Variants in ZC4H2 observed in about 807,000 individuals in gnomAD.
ZC4H2 encodes the protein zinc finger C4H2-type containing, also known as zinc finger C4H2 domain-containing protein.
For synonymous variants in ZC4H2, 84 were observed against 66.3 expected (o/e 1.27, Z -1.30); for missense variants, 137 against 173.9 (o/e 0.79, Z 1.19).
intron 1 of ZC4H2, among the ~76,000 whole-genome samples, chrX:65,022,455 G>A (rs530342733): frequency 1.8e-5 from 2 of 111,660 alleles, no homozygotes; most frequent in Non-Finnish European, 3.8e-5. Context: ...TGCAGAAAAG[G>A]TCTTTGACAA....
intron 1 of ZC4H2, among the ~76,000 whole-genome samples, chrX:64,950,257 T>C (rs920262271): frequency 1.8e-5 from 2 of 111,912 alleles, no homozygotes; most frequent in South Asian, 3.7e-4. Context: ...GTAGGACTGC[T>C]TTACTTCCAA....
intron 1 of ZC4H2, among the ~76,000 whole-genome samples, chrX:64,931,502 T>C (rs770292629): frequency 9.0e-6 from 1 of 111,666 alleles, no homozygotes; most frequent in Non-Finnish European, 1.9e-5. Context: ...CATGAACTTT[T>C]GTCTTAGCAC....
At chrX:64,922,634 C>T (rs886570935) in intron 1 of ZC4H2, among the ~76,000 whole-genome samples, 2 of 112,079 alleles carry the variant, frequency 1.8e-5, no homozygotes, top group Admixed American at 1.9e-4. Context: ...CCAGGAAAGT[C>T]CTGAACACAA....
intron 1 of ZC4H2, among the ~76,000 whole-genome samples, chrX:65,025,275 A>C (rs1932869673): frequency 9.2e-6 from 1 of 108,130 alleles, no homozygotes; most frequent in Non-Finnish European, 1.9e-5. Flanking sequence ...CAGCCTCCCA[A>C]GTAGCTGGGA....
intron 1 of ZC4H2, among the ~76,000 whole-genome samples, chrX:65,013,217 C>T (rs1932774974): frequency 8.9e-6 from 1 of 111,932 alleles, no homozygotes; most frequent in Non-Finnish European, 1.9e-5. Context: ...CAACCCAGGG[C>T]AATCAGGAAA....
chrX:65,028,616 C>T (rs1396769804), intron 1 of ZC4H2, among the ~76,000 whole-genome samples: 2 of 109,975 alleles, frequency 1.8e-5, no homozygotes, highest in African/African-American at 6.7e-5. Context: ...ACTGCAACCT[C>T]TGCCTCCTGG....
At chrX:65,005,422 T>C (rs1460752200) in intron 1 of ZC4H2, among the ~76,000 whole-genome samples, 1 of 111,083 alleles carries the variant, frequency 9.0e-6, no homozygotes, top group African/African-American at 3.3e-5. Context: ...TCAGAAATAA[T>C]GCCACACATC....
chrX:64,927,567 T>C (rs764445782), intron 1 of ZC4H2, among the ~76,000 whole-genome samples: 47 of 112,292 alleles, frequency 4.2e-4, no homozygotes, highest in African/African-American at 1.4e-3. Context: ...GTCTTTGCTA[T>C]TGTGAACTGT....
chrX:64,938,709 C>A (rs1225038863), intron 1 of ZC4H2, among the ~76,000 whole-genome samples: 1 of 111,891 alleles, frequency 8.9e-6, no homozygotes, highest in Non-Finnish European at 1.9e-5. Context: ...TCACTAGATG[C>A]AGAAAAGGCC....
intron 1 of ZC4H2, among the ~76,000 whole-genome samples, chrX:65,006,901 C>T (rs1019086512): frequency 2.7e-5 from 3 of 111,861 alleles, no homozygotes; most frequent in African/African-American, 9.7e-5. Context: ...AACAATTTTC[C>T]AGTTACATGA....
At chrX:64,934,308 T>G (rs1029085182) in intron 1 of ZC4H2, among the ~76,000 whole-genome samples, 1 of 112,407 alleles carries the variant, frequency 8.9e-6, no homozygotes, top group African/African-American at 3.2e-5. Flanking sequence ...AAGATTCAAT[T>G]TTTGGAAACT....
chrX:64,934,150 C>T (rs958399022), intron 1 of ZC4H2, among the ~76,000 whole-genome samples: 1 of 111,978 alleles, frequency 8.9e-6, no homozygotes, highest in East Asian at 2.8e-4. Flanking sequence ...TTCTTTTGTC[C>T]CACAGGGTGT....
chrX:64,999,065 T>TTTTTTTTTTTTTTTC (rs1461250071), intron 1 of ZC4H2, among the ~76,000 whole-genome samples: 1 of 97,590 alleles, frequency 1.0e-5, no homozygotes, highest in Admixed American at 1.1e-4. Context: ...TTTTTTTTTT[T>TTTTTTTTTTTTTTTC]TTTAATCTAT....
In ZC4H2 at chrX:64,916,531, G is replaced by C. The variant is rs1256615792; in HGVS notation, c.*1252C>G. 1.8e-5 allele frequency: 2 copies of C among 112,060 alleles called. No individual in the cohort carries two copies. The highest frequency in any genetic ancestry group is 3.8e-5 in the Non-Finnish European group (2 of 53,213). 9.2% of individuals were successfully genotyped at this position (112,060 alleles called of 1,213,427 possible). ...TTTATATAGTGAACACATACACACTGTGGCAATGTAAAACTACTTAAGGAA... is the reference window on the plus strand; with the variant it reads ...TTTATATAGTGAACACATACACACTCTGGCAATGTAAAACTACTTAAGGAA... On this transcript the variant is annotated 3_prime_UTR_variant, in exon 5 of 5. Transcript: ENST00000374839.
intron 1 of ZC4H2, among the ~76,000 whole-genome samples, chrX:64,954,800 A>G (rs1931088832): frequency 9.0e-6 from 1 of 111,251 alleles, no homozygotes; most frequent in Non-Finnish European, 1.9e-5. Context: ...TGGAATAACA[A>G]GAAAATACTC....
chrX:65,012,749 AG>A (rs1932767780), intron 1 of ZC4H2, among the ~76,000 whole-genome samples: 2 of 111,390 alleles, frequency 1.8e-5, no homozygotes, highest in Admixed American at 1.9e-4. Flanking sequence ...GTATAGATGC[AG>A]GGGGTTATCA....
chrX:65,018,959 C>T (rs1333884267), intron 1 of ZC4H2, among the ~76,000 whole-genome samples: 1 of 111,681 alleles, frequency 9.0e-6, no homozygotes, highest in African/African-American at 3.3e-5. Context: ...CTCAGCAAGG[C>T]CACTGCGGCC....
At chrX:65,030,953 C>A (rs1477940015) in intron 1 of ZC4H2, among the ~76,000 whole-genome samples, 1 of 111,380 alleles carries the variant, frequency 9.0e-6, no homozygotes, top group East Asian at 2.8e-4. Flanking sequence ...CTCCACTGTG[C>A]TCCTTGTTTA....
chrX:65,020,918 A>G (rs1431620291), intron 1 of ZC4H2, among the ~76,000 whole-genome samples: 1 of 111,799 alleles, frequency 8.9e-6, no homozygotes, highest in Non-Finnish European at 1.9e-5. Context: ...AACAAAGCTC[A>G]AAAGAGAAAA....
Sources: allele counts gnomAD v4.1 joint callset (sites outside exome capture counted in the v4.1 genomes callset), GRCh38; gene constraint gnomAD v4.1.1; transcripts MANE v1.5; gene names NCBI Gene and HGNC (gene_info 2026-07-23, HGNC 2026-07-21).